PTPRH: variants seen among roughly 807,000 people sequenced by gnomAD.
PTPRH encodes receptor-type tyrosine-protein phosphatase H.
Under a neutral mutation model 130.2 loss-of-function variants are expected in PTPRH, and 113 were observed. The ratio of observed to expected loss-of-function variants is 0.87; its 90% CI spans 0.75 to 1.01. The LOEUF (loss-of-function observed/expected upper bound fraction) is 1.01, where lower values mean the gene tolerates loss of function less well. Ranked by LOEUF, PTPRH falls within the 50% of genes least tolerant of loss-of-function variation. The pLI, the probability that PTPRH is intolerant of heterozygous loss-of-function variation, is 0.00. For synonymous variants in PTPRH, 556 were observed against 577.9 expected, an observed-to-expected ratio of 0.96 and a Z score of 0.54; for missense variants, 1,430 against 1,425.0, an observed-to-expected ratio of 1.00 and a Z score of -0.06.
At position 55,187,543 on chromosome 19, in the gene PTPRH, C is replaced by T. The variant is rs575359835; in HGVS notation, c.2536G>A (p.Ala846Thr). ...QMVASASENN[A>T]KNRYRNVLPY... ...AGCACATTTCTGTAGCGGTTCTTGGCGTTGTTCTCTGAAGCCGAAGCCACC... is the reference window on the plus strand; with the variant it reads ...AGCACATTTCTGTAGCGGTTCTTGGTGTTGTTCTCTGAAGCCGAAGCCACC... Residue 846 changes from alanine (A) to threonine (T), a missense_variant, in exon 14 of 20, where the codon GCC (alanine) becomes ACC (threonine). By Grantham distance (58) the Ala-to-Thr change is moderately conservative. Transcript: ENST00000376350. 10 of 1,612,958 alleles carry T rather than the reference C, an allele frequency of 6.2e-6. No individual in the cohort carries two copies. Among genetic ancestry groups the T allele is most frequent in the East Asian group, 2.2e-5 (1 of 44,792 alleles).
intron 12 of PTPRH, among the ~76,000 whole-genome samples, chr19:55,190,137 G>A (rs1018126873): frequency 3.3e-5 from 5 of 152,010 alleles, no homozygotes; most frequent in African/African-American, 9.7e-5. Flanking sequence ...CTGGGAGGCC[G>A]AGGCAGGTGG....
At chr19:55,201,295 T>A (rs946777991) in intron 6 of PTPRH, among the ~76,000 whole-genome samples, 11 of 152,116 alleles carry the variant, frequency 7.2e-5, no homozygotes, top group Admixed American at 6.5e-5. Context: ...GCGGATTGCT[T>A]CAGCCCAGGA....
chr19:55,186,194 C>T (rs1266658327), intron 16 of PTPRH, 31 bp downstream of exon 16: 4 of 1,594,680 alleles, frequency 2.5e-6, no homozygotes, highest in South Asian at 1.1e-5. Context: ...GGTCCTGCAC[C>T]CAGTCAGCAC....
chr19:55,181,785 G>A lies in PTPRH; in HGVS notation c.3317C>T (p.Ala1106Val). ...CTCCAACTTGTGGGCCTGGATGGCG[G>A]CCACGTTCTCGTAGATGAGGTTTTC... ...DVENLIYENV[A>V]AIQAHKLEV The change falls in exon 20 of 20, where the codon GCC (alanine) becomes GTC (valine). Residue 1106 changes from alanine to valine, a missense_variant. Transcript: ENST00000376350. 6.2e-7 allele frequency: 1 copy of A among 1,614,154 alleles called. No individual in the cohort carries two copies. The highest frequency in any genetic ancestry group is 1.3e-5 in the African/African-American group (1 of 75,056).
chr19:55,194,834 A>G lies in PTPRH; in HGVS notation c.2257+1688T>C, dbSNP rs372684662. 5.5e-4 allele frequency among the ~76,000 whole-genome samples: 84 copies of G among 152,298 alleles called. 1 individual carries two copies. Among genetic ancestry groups the G allele is most frequent in the African/African-American group, 1.9e-3 (79 of 41,554 alleles). ...ACAAACGTTCCTAGCGGCATTACCC[A>G]TAATGGTCAAAAGTGGAACTACTCA... On this transcript the variant is annotated intron_variant, in intron 10 of 19. Coordinates refer to ENST00000376350, the MANE Select transcript of PTPRH (RefSeq NM_002842.5).
intron 12 of PTPRH, among the ~76,000 whole-genome samples, chr19:55,188,840 T>G (rs1198178255): frequency 6.6e-6 from 1 of 152,214 alleles, no homozygotes; most frequent in African/African-American, 2.4e-5. Context: ...ACCCAGCTGC[T>G]GCTTGTTCAT....
intron 9 of PTPRH, 60 bp from the exon 10 acceptor site, chr19:55,196,848 C>A: frequency 1.3e-6 from 2 of 1,560,912 alleles, no homozygotes; most frequent in Non-Finnish European, 1.7e-6. Context: ...ACCCCCTCCA[C>A]CCCTACCCCC....
At position 55,206,943 on chromosome 19, in the gene PTPRH, C is replaced by T; in HGVS notation, c.98G>A (p.Gly33Glu). 3 of 1,598,366 alleles carry T rather than the reference C, an allele frequency of 1.9e-6. No homozygotes were observed. The highest frequency in any genetic ancestry group is 2.6e-6 in the Non-Finnish European group (3 of 1,169,878). The change falls in exon 3 of 20, where the codon GGG (glycine) becomes GAG (glutamate). Residue 33 changes from glycine to glutamate, a missense_variant. Transcript: ENST00000376350. ...TGARAPAPNP[G>E]RNLTVETQTT... ...CTGAGTCTCCACTGTCAGGTTCCTC[C>T]CTGGGTTGGGGGCTGAGAATTGGGA...
In PTPRH at chr19:55,194,443, T is replaced by C. The variant is rs932486099; in HGVS notation, c.2257+2079A>G. 5.7e-6 allele frequency: 5 copies of C among 883,216 alleles called. No individual in the cohort carries two copies. The African/African-American group carries it at 9.0e-5, about 16-fold the overall frequency. The allele number at this position is 883,216 out of a possible 1,614,324, so 54.7% of individuals were successfully genotyped here. A position where few individuals can be genotyped will look rare whatever the true frequency, so the allele number is the denominator to read the frequency against. On this transcript the variant is annotated intron_variant, in intron 10 of 19. Coordinates refer to ENST00000376350, the MANE Select transcript of PTPRH (RefSeq NM_002842.5). ...GATCCTTGTTACTAAGGGAGAGAAC[T>C]TTCTAAGCAATGGGGTCTGGCAAAG... is the stretch of plus-strand genomic sequence containing the variant.
chr19:55,205,070 C>T (rs1486583385), intron 4 of PTPRH, among the ~76,000 whole-genome samples: 2 of 152,068 alleles, frequency 1.3e-5, no homozygotes, highest in African/African-American at 2.4e-5. Flanking sequence ...CATGCCTTGG[C>T]CCCTACACAT....
In PTPRH at chr19:55,198,833, GC is replaced by G. The variant is rs746403127; in HGVS notation, c.1499del (p.Gly500AlafsTer18). 8 of 1,602,336 alleles carry G rather than the reference GC, an allele frequency of 5.0e-6. No homozygotes were observed. Among genetic ancestry groups the G allele is most frequent in the Non-Finnish European group, 6.8e-6 (8 of 1,173,490 alleles). ...AGTAGCTGTAGGAAGACTGGCCTGG[GC>G]CCTGGGGAGCTGTCCAGCGCAAAGC... The part of the protein sequence containing the change: ...TIALRWTAPQ[G>X]PGQSSYSYWV... On this transcript the variant is annotated frameshift_variant, in exon 8 of 20. Transcript: ENST00000376350. LOFTEE classifies it high-confidence loss of function.
chr19:55,207,265 G>C, intron 1 of PTPRH, 66 bp from the exon 2 acceptor site: 1 of 1,552,870 alleles, frequency 6.4e-7, no homozygotes, highest in South Asian at 1.2e-5. Flanking sequence ...GAGGCCGAGG[G>C]GCTGGGAGGA....
chr19:55,186,614 A>T, intron 14 of PTPRH, 74 bp from the exon 15 acceptor site: 2 of 1,532,662 alleles, frequency 1.3e-6, no homozygotes. Context: ...AGGCAGAGAG[A>T]CCCAGAGAGG....
intron 5 of PTPRH, among the ~76,000 whole-genome samples, chr19:55,203,124 C>T (rs371140982): frequency 5.3e-5 from 8 of 151,440 alleles, no homozygotes; most frequent in Admixed American, 2.0e-4. Flanking sequence ...GTCAGGAGAT[C>T]GAGACCATCC....
chr19:55,197,875 T>G (rs960541506), intron 8 of PTPRH, among the ~76,000 whole-genome samples: 1 of 152,166 alleles, frequency 6.6e-6, no homozygotes, highest in African/African-American at 2.4e-5. Flanking sequence ...TAGAGGGAGC[T>G]GATAAATTTC....
rs1482734043 is a variant in PTPRH at position 55,188,181 on chromosome 19, G to C, written c.2385-13C>G. The C allele has an allele frequency of 1.2e-6, 2 of 1,606,486 alleles. No homozygotes were observed. The highest frequency in any genetic ancestry group is 2.2e-5 in the South Asian group (2 of 90,926). Reference sequence around the variant, plus strand: ...GTCCCCTGGGGAGCTACGGGTTTTGGGGGAGCAGGGAGAAAAGACCGTAAC... The same window carrying C: ...GTCCCCTGGGGAGCTACGGGTTTTGCGGGAGCAGGGAGAAAAGACCGTAAC... On this transcript the variant is annotated splice_polypyrimidine_tract_variant and intron_variant, in intron 12 of 19. Transcript: ENST00000376350.
intron 12 of PTPRH, among the ~76,000 whole-genome samples, chr19:55,190,299 G>C (rs549427051): frequency 6.7e-6 from 1 of 149,966 alleles, no homozygotes; most frequent in Non-Finnish European, 1.5e-5. Context: ...GAACCCGGGA[G>C]GCGGAGGTTG....
Position 55,181,737 on chromosome 19 carries a change from C to T in PTPRH, c.*17G>A. The T allele has an allele frequency of 6.2e-7, 1 of 1,613,888 alleles. No individual in the cohort carries two copies. The highest frequency in any genetic ancestry group is 8.5e-7 in the Non-Finnish European group (1 of 1,179,934). Reference sequence around the variant, plus strand: ...AGCTTGAGGATGCCTGGGCTGCCGACCCAGCCCCCTCGTCACTTAGACCTC... The same window carrying T: ...AGCTTGAGGATGCCTGGGCTGCCGATCCAGCCCCCTCGTCACTTAGACCTC... On this transcript the variant is annotated 3_prime_UTR_variant, in exon 20 of 20. Coordinates refer to ENST00000376350, the MANE Select transcript of PTPRH (RefSeq NM_002842.5).
Position 55,206,835 on chromosome 19 carries a change from C to T in PTPRH, c.206G>A (p.Gly69Glu). 6.2e-7 allele frequency: 1 copy of T among 1,614,178 alleles called. No homozygotes were observed. The highest frequency in any genetic ancestry group is 8.5e-7 in the Non-Finnish European group (1 of 1,180,022). ...QNSNYWVQCT[G>E]DGGTTETRNT... ...TCGAGTCTCTGTTGTGCCGCCGTCT[C>T]CAGTACACTGAACCCAGTAGTTGGA... The change falls in exon 3 of 20, where the codon GGA becomes GAA. Residue 69 changes from glycine (G) to glutamate (E), a missense_variant. Gly to Glu is a moderately conservative substitution (Grantham distance 98). Transcript: ENST00000376350.
Sources: allele counts gnomAD v4.1 joint callset (sites outside exome capture counted in the v4.1 genomes callset), GRCh38; gene constraint gnomAD v4.1.1; transcripts MANE v1.5; gene names NCBI Gene and HGNC (gene_info 2026-07-23, HGNC 2026-07-21).